The following ZNF442 variants were observed in gnomAD, a reference collection of about 807,000 sequenced individuals.
ZNF442 encodes the protein zinc finger protein 442.
In ZNF442, 45 loss-of-function variants were observed where a neutral mutation model predicts 57.0. That is an observed-to-expected ratio of 0.79 (90% CI 0.62 to 1.01). The LOEUF (loss-of-function observed/expected upper bound fraction) is 1.01. ZNF442 is among the 50% of genes least tolerant of loss of function. The pLI is 0.00. For missense variants in ZNF442, 690 were observed against 756.5 expected (o/e 0.91, Z 1.03); for synonymous variants, 213 against 241.8 (o/e 0.88, Z 1.10).
At chr19:12,372,470 A>G in the ZNF442 span, among the ~76,000 whole-genome samples, 3 of 152,280 alleles carry the variant, frequency 2.0e-5, no homozygotes, top group East Asian at 3.9e-4. Context: ...CAAAAAAAAA[A>G]AGAGAAAAAA....
rs1238097745 is a variant in ZNF442 at position 12,351,141 on chromosome 19, A to C, written c.444T>G (p.Tyr148Ter). The C allele has an allele frequency of 6.2e-7, 1 of 1,614,016 alleles. No individual in the cohort carries two copies. Among genetic ancestry groups the C allele is most frequent in the Admixed American group, 1.7e-5 (1 of 59,988 alleles). ...GTTTATGTGTATGTGGCTTCTCTCC[A>C]TATTCCTGACACTCATCTGGTTTGT... ...AGHKPDECQE[Y>*]GEKPHTHKQC... Residue 148 changes from tyrosine to a stop codon, truncating the protein, a stop_gained, in exon 6 of 6, where the codon TAT (tyrosine) becomes TAG (stop). Transcript: ENST00000242804. LOFTEE classifies it high-confidence loss of function.
In ZNF442 at chr19:12,365,522, CG is replaced by C; in HGVS notation, c.-483+10del. 2 of 571,990 alleles carry C rather than the reference CG, an allele frequency of 3.5e-6. No individual in the cohort carries two copies. Among genetic ancestry groups the C allele is most frequent in the Non-Finnish European group, 3.1e-6 (1 of 322,038 alleles). The allele number at this position is 571,990 out of a possible 1,614,324, so 35.4% of individuals were successfully genotyped here. A position where few individuals can be genotyped will look rare whatever the true frequency, so the allele number is the denominator to read the frequency against. Reference sequence around the variant, plus strand: ...CGCCCTGCCCCAGGACGCCGGGCCCCGCACACTCACCATTTCCCGGCTTCCG... The same window carrying C: ...CGCCCTGCCCCAGGACGCCGGGCCCCCACACTCACCATTTCCCGGCTTCCG... On this transcript the variant is annotated intron_variant, in intron 1 of 5. Transcript: ENST00000242804.
chr19:12,369,287 G>A (rs1029537474), upstream of ZNF442, among the ~76,000 whole-genome samples: 2 of 152,204 alleles, frequency 1.3e-5, no homozygotes, highest in African/African-American at 4.8e-5. Flanking sequence ...AACTTCAGAT[G>A]TTCACAAATC....
chr19:12,367,830 G>A (rs554531023), upstream of ZNF442, among the ~76,000 whole-genome samples: 449 of 152,082 alleles, frequency 3.0e-3, 2 homozygotes, highest in Non-Finnish European at 4.8e-3. Flanking sequence ...CACCATGCCC[G>A]GCTAATTTTT....
Position 12,361,788 on chromosome 19 carries a change from T to C in ZNF442, c.78+1766A>G, listed in dbSNP as rs187266020. On this transcript the variant is annotated intron_variant, in intron 3 of 5. Coordinates refer to ENST00000242804, the MANE Select transcript of ZNF442 (RefSeq NM_030824.3). Reference sequence around the variant, plus strand: ...ATGCCGAGCGGAGGCTGGACTGTAGTGCCGCCATCTCGGCTCACTGCAACC... The same window carrying C: ...ATGCCGAGCGGAGGCTGGACTGTAGCGCCGCCATCTCGGCTCACTGCAACC... Among the ~76,000 whole-genome samples, 1,390 of 150,726 alleles carry C rather than the reference T, an allele frequency of 9.2e-3. 16 individuals are homozygous for C. The highest frequency in any genetic ancestry group is 0.029 in the African/African-American group (1,209 of 41,044).
chr19:12,351,122 G>C lies in ZNF442; in HGVS notation c.463C>G (p.His155Asp), dbSNP rs765957509. 6.2e-6 allele frequency: 10 copies of C among 1,614,028 alleles called. No individual in the cohort carries two copies. In the Admixed American group the frequency reaches 8.3e-5, roughly 13 times the overall value. The change falls in exon 6 of 6, where the codon CAT becomes GAT. Residue 155 changes from histidine (H) to aspartate (D), a missense_variant. Transcript: ENST00000242804. ...CQEYGEKPHTHKQCGTAFNYH... is the reference protein window; with the variant it reads ...CQEYGEKPHTDKQCGTAFNYH... ...TTGAAGGCTGTCCCACATTGTTTAT[G>C]TGTATGTGGCTTCTCTCCATATTCC...
chr19:12,359,502 G>A (rs1245552871), intron 3 of ZNF442, among the ~76,000 whole-genome samples: 2 of 152,100 alleles, frequency 1.3e-5, no homozygotes, highest in African/African-American at 4.8e-5. Context: ...GATTAGCTGA[G>A]CAGTTTTGTC....
At chr19:12,362,446 G>GCCGCC (rs2144841535) in intron 3 of ZNF442, among the ~76,000 whole-genome samples, 1 of 151,428 alleles carries the variant, frequency 6.6e-6, no homozygotes, top group African/African-American at 2.4e-5. Context: ...TCTCTGCCCG[G>GCCGCC]CCGCCCCGTC....
chr19:12,351,443 G>T (rs577076651), intron 5 of ZNF442, 125 bp from the exon 6 acceptor site: 1 of 811,144 alleles, frequency 1.2e-6, no homozygotes, highest in Non-Finnish European at 1.9e-6. Context: ...CTGCTTGAAC[G>T]TGAATGGACT....
intron 3 of ZNF442, among the ~76,000 whole-genome samples, chr19:12,356,690 A>G (rs1969335684): frequency 6.6e-6 from 1 of 152,158 alleles, no homozygotes; most frequent in South Asian, 2.1e-4. Flanking sequence ...TTAAACATGA[A>G]AAAAGACAGA....
chr19:12,352,473 T>A (rs1969257557), intron 4 of ZNF442, among the ~76,000 whole-genome samples: 1 of 152,164 alleles, frequency 6.6e-6, no homozygotes, highest in Non-Finnish European at 1.5e-5. Flanking sequence ...CCCAAAGTGC[T>A]GGGATTACAG....
rs1230733839 is a variant in ZNF442 at position 12,347,914 on chromosome 19, A to T, written c.*1787T>A. ...ATACTAACAAGGAACTCGAAGATAT[A>T]CTGAAATTCTCTGCAGATAATGATG... On this transcript the variant is annotated 3_prime_UTR_variant, in exon 6 of 6. Coordinates refer to ENST00000242804, the MANE Select transcript of ZNF442 (RefSeq NM_030824.3). The T allele has an allele frequency of 6.6e-6, 1 of 152,232 alleles. No individual in the cohort carries two copies. Among genetic ancestry groups the T allele is most frequent in the Admixed American group, 6.5e-5 (1 of 15,276 alleles). 9.4% of individuals were successfully genotyped at this position (152,232 alleles called of 1,614,324 possible).
At chr19:12,359,660 T>A (rs1003069564) in intron 3 of ZNF442, among the ~76,000 whole-genome samples, 1 of 152,170 alleles carries the variant, frequency 6.6e-6, no homozygotes, top group South Asian at 2.1e-4. Context: ...CAGACTTAGG[T>A]TAGAGCAAAA....
chr19:12,373,744 C>A, the ZNF442 span: 1 of 215,574 alleles, frequency 4.6e-6, no homozygotes, highest in South Asian at 7.4e-5. Context: ...GACCTTCCTT[C>A]AAAGGGTTAT....
At chr19:12,352,093 A>G (rs1164113181) in intron 4 of ZNF442, 23 bp from the exon 5 acceptor site, 2 of 1,607,086 alleles carry the variant, frequency 1.2e-6, no homozygotes, top group Non-Finnish European at 1.7e-6. Flanking sequence ...CACAGAAAAA[A>G]CACTGTAGAT....
At chr19:12,370,984 A>G in the ZNF442 span, among the ~76,000 whole-genome samples, 37 of 151,058 alleles carry the variant, frequency 2.4e-4, no homozygotes, top group African/African-American at 8.0e-4. Context: ...AAAAAAAAAA[A>G]AAAGAAAGAA....
Position 12,350,815 on chromosome 19 carries a change from C to T in ZNF442, c.770G>A (p.Arg257Lys), listed in dbSNP as rs953656739. Residue 257 changes from arginine (R) to lysine (K), a missense_variant, in exon 6 of 6, where the codon AGA becomes AAA. Arg to Lys is a conservative substitution (Grantham distance 26, BLOSUM62 2). Coordinates refer to ENST00000242804, the MANE Select transcript of ZNF442 (RefSeq NM_030824.3). Reference sequence around the variant, plus strand: ...ATATGGTTTCTCCCCAGTGTGTGTTCTTTCATGTCTTAGATAGGAACTGTA... The same window carrying T: ...ATATGGTTTCTCCCCAGTGTGTGTTTTTTCATGTCTTAGATAGGAACTGTA... ...PIYSSYLRHE[R>K]THTGEKPYEC... 4.3e-6 allele frequency: 7 copies of T among 1,613,730 alleles called. No homozygotes were observed. In the African/African-American group the frequency reaches 9.4e-5, roughly 22 times the overall value.
chr19:12,364,264 G>T (rs904553861), intron 2 of ZNF442, among the ~76,000 whole-genome samples: 1 of 151,910 alleles, frequency 6.6e-6, no homozygotes, highest in South Asian at 2.1e-4. Context: ...AAAATTAGCC[G>T]GGTGTGGTGG....
the ZNF442 span, among the ~76,000 whole-genome samples, chr19:12,372,956 T>G: frequency 6.6e-6 from 1 of 152,194 alleles, no homozygotes; most frequent in Non-Finnish European, 1.5e-5. Flanking sequence ...GTATTTTTAG[T>G]AGAGACAGGG....
Sources: gnomAD v4.1 joint callset for allele counts (sites outside exome capture counted in the v4.1 genomes callset) on GRCh38, gnomAD v4.1.1 for gene constraint, MANE v1.5 for transcripts, NCBI Gene and HGNC (gene_info 2026-07-23, HGNC 2026-07-21) for gene names.